The following RAD51B variants were observed in gnomAD, a reference collection of about 807,000 sequenced individuals.
The protein encoded by RAD51B is DNA repair protein RAD51 homolog 2.
In RAD51B, 38 loss-of-function variants were observed where a neutral mutation model predicts 42.2. That is an observed-to-expected ratio of 0.90 (90% CI 0.70 to 1.18). The LOEUF is 1.18. Ranked by LOEUF, RAD51B falls within the 50% of genes most tolerant of loss-of-function variation. The pLI is 0.00. For missense variants in RAD51B, 373 were observed against 400.7 expected (o/e 0.93, Z 0.59); for synonymous variants, 154 against 145.2 (o/e 1.06, Z -0.43).
chr14:67,921,678 G>T (rs1477615532), intron 7 of RAD51B, among the ~76,000 whole-genome samples: 2 of 150,476 alleles, frequency 1.3e-5, no homozygotes, highest in Non-Finnish European at 1.5e-5. Flanking sequence ...ATTACAGCAG[G>T]TCCTCAAATA....
chr14:68,360,244 C>CTGCAGCTTCTGTGCCTT (rs2082995794), intron 8 of RAD51B, among the ~76,000 whole-genome samples: 1 of 152,244 alleles, frequency 6.6e-6, no homozygotes, highest in Non-Finnish European at 1.5e-5. Context: ...CCACGTGCCT[C>CTGCAGCTTCTGTGCCTT]TGCAGCTTCT....
intron 7 of RAD51B, among the ~76,000 whole-genome samples, chr14:68,114,618 G>C (rs1188967927): frequency 6.6e-6 from 1 of 152,032 alleles, no homozygotes; most frequent in Non-Finnish European, 1.5e-5. Context: ...ATTATCAAAA[G>C]TGGCCTAAAT....
chr14:68,200,655 A>T (rs1300130990), intron 7 of RAD51B, among the ~76,000 whole-genome samples: 1 of 150,748 alleles, frequency 6.6e-6, no homozygotes, highest in African/African-American at 2.5e-5. Flanking sequence ...ATAAATCAAT[A>T]ATTTTTTTTT....
At chr14:68,305,435 C>T (rs2081839737) in intron 8 of RAD51B, among the ~76,000 whole-genome samples, 1 of 152,148 alleles carries the variant, frequency 6.6e-6, no homozygotes, top group Non-Finnish European at 1.5e-5. Flanking sequence ...TGTAATGAAG[C>T]TAAACTTTAC....
intron 9 of RAD51B, among the ~76,000 whole-genome samples, chr14:68,431,622 T>C (rs925444088): frequency 1.3e-5 from 2 of 152,188 alleles, no homozygotes; most frequent in Non-Finnish European, 2.9e-5. Flanking sequence ...TTTTATTGCA[T>C]CTATTTGATT....
At chr14:67,920,304 A>T (rs980968335) in intron 7 of RAD51B, among the ~76,000 whole-genome samples, 2 of 151,922 alleles carry the variant, frequency 1.3e-5, no homozygotes, top group African/African-American at 4.8e-5. Flanking sequence ...ATTTTTTTCA[A>T]CTCTAACGTT....
chr14:68,370,030 C>G (rs1210861162), intron 8 of RAD51B, among the ~76,000 whole-genome samples: 1 of 152,148 alleles, frequency 6.6e-6, no homozygotes, highest in East Asian at 1.9e-4. Context: ...AAATATATAG[C>G]AGGAGGATAA....
intron 10 of RAD51B, among the ~76,000 whole-genome samples, chr14:68,517,182 T>C (rs1170919647): frequency 3.3e-5 from 5 of 150,740 alleles, no homozygotes; most frequent in Non-Finnish European, 5.9e-5. Context: ...AAATGCTTGA[T>C]ACTTTGTTTC....
At position 68,257,578 on chromosome 14, in the gene RAD51B, A is replaced by C. The variant is rs149420446; in HGVS notation, c.757-34306A>C. On this transcript the variant is annotated intron_variant, in intron 7 of 10. Coordinates refer to ENST00000471583, the MANE Select transcript of RAD51B (RefSeq NM_133510.4). ...TTTTTACATAATGTTAAGCAATTAA[A>C]AACAAAATATAAAATTATTAAAATG... 8.1e-3 allele frequency among the ~76,000 whole-genome samples: 1,234 copies of C among 152,260 alleles called. 4 individuals carry two copies. The highest frequency in any genetic ancestry group is 0.011 in the Non-Finnish European group (722 of 67,990).
At chr14:68,618,801 A>G (rs189766468) in intron 10 of RAD51B, among the ~76,000 whole-genome samples, 11 of 152,286 alleles carry the variant, frequency 7.2e-5, no homozygotes, top group African/African-American at 2.4e-4. Context: ...AGGCTGTACC[A>G]TAACAGCAGA....
rs1196106172 is a variant in RAD51B, at chr14:67,930,660, G to C, written c.756+43456G>C. Among the ~76,000 whole-genome samples the C allele has an allele frequency of 2.6e-5, 4 of 152,102 alleles. No homozygotes were observed. In the East Asian group the frequency reaches 7.7e-4, roughly 29 times the overall value. Reference sequence around the variant, plus strand: ...TGACTTTATGCAGCTTGAATACAATGTGTCATGGAGAAGACCTTTCGCATT... The same window carrying C: ...TGACTTTATGCAGCTTGAATACAATCTGTCATGGAGAAGACCTTTCGCATT... On this transcript the variant is annotated intron_variant, in intron 7 of 10. Transcript: ENST00000471583.
chr14:68,042,565 G>A (rs1448437676), intron 7 of RAD51B, among the ~76,000 whole-genome samples: 1 of 152,012 alleles, frequency 6.6e-6, no homozygotes, highest in African/African-American at 2.4e-5. Flanking sequence ...AGAATTGAAG[G>A]GTTTTTTTTC....
chr14:68,005,877 A>G (rs1419219651), intron 7 of RAD51B, among the ~76,000 whole-genome samples: 2 of 152,306 alleles, frequency 1.3e-5, no homozygotes, highest in East Asian at 1.9e-4. Flanking sequence ...GAAACTTTGA[A>G]TCATGGCAAA....
At chr14:68,199,921 C>T (rs1022074546) in intron 7 of RAD51B, among the ~76,000 whole-genome samples, 31 of 152,232 alleles carry the variant, frequency 2.0e-4, no homozygotes, top group African/African-American at 7.5e-4. Context: ...TCCCCAGCAA[C>T]CCGCCAATCT....
intron 7 of RAD51B, among the ~76,000 whole-genome samples, chr14:67,943,036 G>C (rs1183180087): frequency 4.0e-5 from 6 of 151,808 alleles, no homozygotes; most frequent in African/African-American, 1.5e-4. Context: ...AGCCAAGTGT[G>C]ATAAATAAGA....
chr14:68,449,544 C>T (rs2085504406), intron 9 of RAD51B, among the ~76,000 whole-genome samples: 1 of 152,248 alleles, frequency 6.6e-6, no homozygotes, highest in African/African-American at 2.4e-5. Context: ...AATAAAAAAT[C>T]AAGTTCTGAA....
chr14:68,604,583 T>C (rs1451606207), intron 10 of RAD51B, among the ~76,000 whole-genome samples: 2 of 152,172 alleles, frequency 1.3e-5, no homozygotes, highest in Non-Finnish European at 2.9e-5. Context: ...CAGCCCTTCC[T>C]CGGCCCTGCC....
chr14:68,331,366 T>TAA (rs1477806707), intron 8 of RAD51B, among the ~76,000 whole-genome samples: 1 of 14,152 alleles, frequency 7.1e-5, no homozygotes, highest in African/African-American at 1.7e-4. Flanking sequence ...AGACTCTGTC[T>TAA]CAAAAAAAAA....
At chr14:68,392,313 T>G (rs2083780409) in intron 8 of RAD51B, among the ~76,000 whole-genome samples, 1 of 152,200 alleles carries the variant, frequency 6.6e-6, no homozygotes, top group Non-Finnish European at 1.5e-5. Context: ...CTTCTTATGC[T>G]TCGGAAGGCT....
Sources: allele counts gnomAD v4.1 joint callset (sites outside exome capture counted in the v4.1 genomes callset), GRCh38; gene constraint gnomAD v4.1.1; transcripts MANE v1.5; gene names NCBI Gene and HGNC (gene_info 2026-07-23, HGNC 2026-07-21).